Variants in TRAPPC12 observed in about 807,000 individuals in gnomAD.
TRAPPC12 encodes the protein trafficking protein particle complex subunit 12, also known as TPR repeat protein 15.
In TRAPPC12, 61 loss-of-function variants were observed where a neutral mutation model predicts 69.2. The ratio of observed to expected loss-of-function variants is 0.88; its 90% CI spans 0.72 to 1.09. The LOEUF is 1.09. TRAPPC12 is among the 50% of genes least tolerant of loss of function. The pLI is 0.00. For synonymous variants in TRAPPC12, 469 were observed against 438.9 expected (o/e 1.07, Z -0.86); for missense variants, 1,101 against 1,016.4 (o/e 1.08, Z -1.13).
intron 2 of TRAPPC12, chr2:3,389,652 T>C: frequency 2.1e-6 from 1 of 470,636 alleles, no homozygotes; most frequent in Non-Finnish European, 4.4e-6. Context: ...TCCCGTTGAG[T>C]GGGGCAGCCG....
intron 3 of TRAPPC12, among the ~76,000 whole-genome samples, chr2:3,410,850 T>C (rs4525726): frequency 0.36 from 54,045 of 151,888 alleles, 9,658 homozygotes; most frequent in Middle Eastern, 0.44. Flanking sequence ...GCCAACATGG[T>C]GAAACCCCGT....
At chr2:3,405,822 T>TA (rs1165803147) in intron 3 of TRAPPC12, among the ~76,000 whole-genome samples, 1 of 152,262 alleles carries the variant, frequency 6.6e-6, no homozygotes, top group Non-Finnish European at 1.5e-5. Flanking sequence ...TTGTAACTCT[T>TA]ATGATTCTTC....
intron 5 of TRAPPC12, among the ~76,000 whole-genome samples, 179 bp downstream of exon 5, chr2:3,424,842 T>A (rs1572139632): frequency 6.6e-6 from 1 of 152,254 alleles, no homozygotes; most frequent in South Asian, 2.1e-4. Context: ...ACCGAAACAC[T>A]GACCTGGAGG....
At chr2:3,381,738 A>G (rs1660220418) in intron 1 of TRAPPC12, among the ~76,000 whole-genome samples, 2 of 152,212 alleles carry the variant, frequency 1.3e-5, no homozygotes, top group East Asian at 1.9e-4. Flanking sequence ...TAAGATGGGG[A>G]CCATTTCCCA....
Position 3,478,933 on chromosome 2 carries a change from G to A in TRAPPC12, c.1965G>A (p.Val655=), listed in dbSNP as rs1325691630. The A allele has an allele frequency of 6.2e-7, 1 of 1,613,726 alleles. No homozygotes were observed. Among genetic ancestry groups the A allele is most frequent in the Non-Finnish European group, 8.5e-7 (1 of 1,179,740 alleles). The part of the protein sequence containing the change: ...EILRMDPRNA[V]ANNNAAVCLL... ...TAAGGATGGATCCAAGAAACGCAGT[G>A]GTAAGATCCCCAAGCTGCAGGATCC... The change falls in exon 11 of 12, where the codon GTG becomes GTA. Residue 655 remains valine, a splice_region_variant and synonymous_variant. Transcript: ENST00000324266.
At position 3,424,508 on chromosome 2, in the gene TRAPPC12, T is replaced by C. The variant is rs768917411; in HGVS notation, c.1279-17T>C. The C allele has an allele frequency of 3.7e-6, 6 of 1,611,094 alleles. No individual in the cohort carries two copies. In the Admixed American group the frequency reaches 6.8e-5, roughly 18 times the overall value. On this transcript the variant is annotated splice_polypyrimidine_tract_variant and intron_variant, in intron 4 of 11. Coordinates refer to ENST00000324266, the MANE Select transcript of TRAPPC12 (RefSeq NM_016030.6). ...ATATGTAGATAACCTATTGTTTCCA[T>C]TGTATTTTGTTTTTAGCTCTGGTTT...
intron 9 of TRAPPC12, among the ~76,000 whole-genome samples, chr2:3,468,274 G>A (rs1665911357): frequency 6.6e-6 from 1 of 151,930 alleles, no homozygotes; most frequent in African/African-American, 2.4e-5. Context: ...CTCTCAGCAA[G>A]CTCTCCCTTC....
chr2:3,429,188 T>C (rs1019678128), intron 5 of TRAPPC12, among the ~76,000 whole-genome samples: 2 of 152,216 alleles, frequency 1.3e-5, no homozygotes, highest in African/African-American at 4.8e-5. Flanking sequence ...TTTCATTCAC[T>C]GGAAGTCCTC....
At chr2:3,469,067 T>C (rs1029151803) in intron 9 of TRAPPC12, among the ~76,000 whole-genome samples, 1 of 152,190 alleles carries the variant, frequency 6.6e-6, no homozygotes, top group Non-Finnish European at 1.5e-5. Flanking sequence ...CGAAGGGACG[T>C]AGCGCTCAAT....
intron 6 of TRAPPC12, among the ~76,000 whole-genome samples, chr2:3,444,368 G>A (rs369951040): frequency 6.6e-6 from 1 of 152,360 alleles, no homozygotes; most frequent in East Asian, 1.9e-4. Context: ...AGGCAGAGTC[G>A]GAGTGTTTTC....
At chr2:3,399,742 A>G (rs1332472943) in intron 2 of TRAPPC12, among the ~76,000 whole-genome samples, 1 of 152,188 alleles carries the variant, frequency 6.6e-6, no homozygotes, top group African/African-American at 2.4e-5. Context: ...ATTTTGAAAG[A>G]TAGCAAAAGA....
In TRAPPC12 at chr2:3,414,873, T is replaced by A. The variant is rs1305284551; in HGVS notation, c.1165-7008T>A. On this transcript the variant is annotated intron_variant, in intron 3 of 11. Transcript: ENST00000324266. The surrounding 1 kb of genome is among the most constrained non-coding windows in gnomAD (Gnocchi z 4.9). ...TATTTCTTATGGACATCACGTACGT[T>A]GGCCCTTCATATCTACAGGTTCCGC... is the stretch of plus-strand genomic sequence containing the variant. Among the ~76,000 whole-genome samples, 1 of 152,190 alleles carries A rather than the reference T, an allele frequency of 6.6e-6. No individual in the cohort carries two copies. The highest frequency in any genetic ancestry group is 1.5e-5 in the Non-Finnish European group (1 of 68,038).
chr2:3,390,806 T>C lies in TRAPPC12; in HGVS notation c.1047+2136T>C, dbSNP rs374823824. Reference sequence around the variant, plus strand: ...GGTGGACCACTCTGGCGAGGTGCGTTGATCATGGGGAAGACTGTGTGTGTA... The same window carrying C: ...GGTGGACCACTCTGGCGAGGTGCGTCGATCATGGGGAAGACTGTGTGTGTA... On this transcript the variant is annotated intron_variant, in intron 2 of 11. Transcript: ENST00000324266. 3.3e-4 allele frequency among the ~76,000 whole-genome samples: 51 copies of C among 152,306 alleles called. No individual in the cohort carries two copies. The South Asian group carries it at 0.011, about 32-fold the overall frequency.
chr2:3,398,740 G>C (rs1483358142), intron 2 of TRAPPC12, among the ~76,000 whole-genome samples: 2 of 152,232 alleles, frequency 1.3e-5, no homozygotes, highest in Non-Finnish European at 2.9e-5. Flanking sequence ...ACAGCCACTT[G>C]CTCCTCCATA....
At chr2:3,478,398 T>C (rs185709168) in intron 10 of TRAPPC12, among the ~76,000 whole-genome samples, 1 of 152,258 alleles carries the variant, frequency 6.6e-6, no homozygotes, top group African/African-American at 2.4e-5. Flanking sequence ...TTTGGGAAGC[T>C]GAGGCACGTA....
chr2:3,461,372 C>T lies in TRAPPC12; in HGVS notation c.1677+1036C>T, dbSNP rs550606695. Among the ~76,000 whole-genome samples the T allele has an allele frequency of 1.1e-3, 167 of 152,374 alleles. 1 individual carries two copies. The highest frequency in any genetic ancestry group is 3.7e-3 in the African/African-American group (153 of 41,598). On this transcript the variant is annotated intron_variant, in intron 8 of 11. Transcript: ENST00000324266. ...CCGGCTTTAGCGCAGCCCCAGTGCC[C>T]AGTGCGGGGCCGCTGCCTTTGCGCT...
At chr2:3,444,346 TC>T in intron 6 of TRAPPC12, among the ~76,000 whole-genome samples, 1 of 152,380 alleles carries the variant, frequency 6.6e-6, no homozygotes, top group East Asian at 1.9e-4. Flanking sequence ...TCACTCATGA[TC>T]CTGACTGCAA....
chr2:3,410,029 T>G (rs1403658409), intron 3 of TRAPPC12, among the ~76,000 whole-genome samples: 1 of 152,176 alleles, frequency 6.6e-6, no homozygotes, highest in Non-Finnish European at 1.5e-5. Context: ...TGGAAAGGGC[T>G]GCCCAGACTC....
chr2:3,387,276 A>G (rs966414926), intron 1 of TRAPPC12, among the ~76,000 whole-genome samples: 1 of 152,252 alleles, frequency 6.6e-6, no homozygotes, highest in Non-Finnish European at 1.5e-5. Context: ...TCAGCCAGTC[A>G]CAGGAAGACA....
Sources: allele counts gnomAD v4.1 joint callset (sites outside exome capture counted in the v4.1 genomes callset), GRCh38; gene constraint gnomAD v4.1.1; non-coding constraint Gnocchi (gnomAD v3.1); transcripts MANE v1.5; gene names NCBI Gene and HGNC (gene_info 2026-07-23, HGNC 2026-07-21).